TNS1: variants seen among roughly 807,000 people sequenced by gnomAD.
TNS1 encodes tensin-1.
TNS1 carries 62 observed loss-of-function variants against 168.6 expected under a neutral mutation model. That is an observed-to-expected ratio of 0.37 (90% confidence interval 0.30 to 0.45). The LOEUF (loss-of-function observed/expected upper bound fraction) is 0.45, where lower values mean the gene tolerates loss of function less well. Among genes scored for constraint, TNS1 ranks in the 20% least tolerant of loss-of-function variants. The pLI, the probability that TNS1 is intolerant of heterozygous loss-of-function variation, is 1.00. For missense variants in TNS1, 2,240 were observed against 2,339.4 expected, an observed-to-expected ratio of 0.96 and a Z score of 0.88; for synonymous variants, 934 against 933.2, an observed-to-expected ratio of 1.00 and a Z score of -0.02.
intron 1 of TNS1, among the ~76,000 whole-genome samples, chr2:218,025,876 G>A (rs2106013031): frequency 6.6e-6 from 1 of 152,180 alleles, no homozygotes; most frequent in Non-Finnish European, 1.5e-5. Flanking sequence ...CCACCTCCAT[G>A]GTTCCCTGTT....
chr2:217,925,806 C>T (rs1350406958), intron 3 of TNS1, among the ~76,000 whole-genome samples: 1 of 152,162 alleles, frequency 6.6e-6, no homozygotes, highest in Non-Finnish European at 1.5e-5. Flanking sequence ...TCCCCTCCCC[C>T]AAACCCCTGG....
intron 21 of TNS1, 27 bp from the exon 22 acceptor site, chr2:217,831,574 C>T (rs369846567): frequency 4.8e-6 from 7 of 1,451,298 alleles, no homozygotes; most frequent in African/African-American, 1.5e-5. Flanking sequence ...AGGGGAGACA[C>T]AGGGAGTGAG....
upstream of TNS1, among the ~76,000 whole-genome samples, chr2:218,006,939 A>T (rs10184139): frequency 0.8 from 121,200 of 151,454 alleles, 48,658 homozygotes; most frequent in East Asian, 0.95. Flanking sequence ...TGCGTCAAGA[A>T]AGGTGGCGTG....
At chr2:217,851,160 A>G (rs1451551778) in intron 18 of TNS1, among the ~76,000 whole-genome samples, 2 of 151,156 alleles carry the variant, frequency 1.3e-5, no homozygotes, top group African/African-American at 4.9e-5. Flanking sequence ...ATTAGAATAA[A>G]CACATAACAG....
intron 4 of TNS1, among the ~76,000 whole-genome samples, chr2:217,913,381 A>G (rs1954648344): frequency 6.6e-6 from 1 of 152,082 alleles, no homozygotes; most frequent in Non-Finnish European, 1.5e-5. Flanking sequence ...GCAACTGTGG[A>G]CACCCCCAAT....
At chr2:217,812,260 C>A in intron 28 of TNS1, 108 bp downstream of exon 28, 1 of 795,066 alleles carries the variant, frequency 1.3e-6, no homozygotes, top group East Asian at 2.8e-5. Flanking sequence ...GGCAAAATGA[C>A]ATGTGTCCTC....
At chr2:217,959,977 G>A (rs1957458171) in intron 3 of TNS1, among the ~76,000 whole-genome samples, 1 of 152,118 alleles carries the variant, frequency 6.6e-6, no homozygotes, top group South Asian at 2.1e-4. Flanking sequence ...GTGAAGGGAG[G>A]AGGGTGGAGA....
chr2:217,970,952 G>A (rs115516729), intron 3 of TNS1, among the ~76,000 whole-genome samples: 6 of 151,782 alleles, frequency 4.0e-5, no homozygotes, highest in East Asian at 1.9e-4. Context: ...CCCAGGAAGC[G>A]CTATTAAATA....
intron 3 of TNS1, among the ~76,000 whole-genome samples, chr2:217,976,732 T>A (rs1018347008): frequency 6.6e-6 from 1 of 152,234 alleles, no homozygotes; most frequent in African/African-American, 2.4e-5. Flanking sequence ...CTGTCATATC[T>A]TTCTGGGCCT....
chr2:217,878,126 G>C (rs1172655103), intron 18 of TNS1, among the ~76,000 whole-genome samples: 1 of 152,230 alleles, frequency 6.6e-6, no homozygotes, highest in African/African-American at 2.4e-5. Context: ...CGGGCCAGGG[G>C]CTCAGCTGTT....
chr2:217,847,290 A>T (rs550346882), intron 19 of TNS1, among the ~76,000 whole-genome samples: 3 of 152,252 alleles, frequency 2.0e-5, no homozygotes, highest in Non-Finnish European at 4.4e-5. Context: ...TCTTGAGGGC[A>T]GGAATTGCTT....
chr2:218,000,164 A>G (rs889188284), intron 1 of TNS1, among the ~76,000 whole-genome samples: 1 of 152,280 alleles, frequency 6.6e-6, no homozygotes, highest in Non-Finnish European at 1.5e-5. Context: ...CATAATAAAT[A>G]GCTCTGCTCC....
chr2:217,951,430 C>G (rs1957238453), intron 3 of TNS1, among the ~76,000 whole-genome samples: 1 of 152,214 alleles, frequency 6.6e-6, no homozygotes, highest in South Asian at 2.1e-4. Flanking sequence ...TTAACTCATT[C>G]TAATCCTGCC....
At chr2:217,897,510 A>G (rs2125734537) in intron 8 of TNS1, among the ~76,000 whole-genome samples, 1 of 152,354 alleles carries the variant, frequency 6.6e-6, no homozygotes, top group Admixed American at 6.5e-5. Flanking sequence ...GCAAGCGCTC[A>G]ATAACCTGAA....
At chr2:217,947,784 C>A (rs72951936) in intron 3 of TNS1, among the ~76,000 whole-genome samples, 16,419 of 152,224 alleles carry the variant, frequency 0.11, 902 homozygotes, top group Middle Eastern at 0.17. Flanking sequence ...CCACCCAGGG[C>A]CCCTCAGTGG....
At chr2:217,984,651 G>A (rs1958145265) in intron 2 of TNS1, among the ~76,000 whole-genome samples, 2 of 151,544 alleles carry the variant, frequency 1.3e-5, no homozygotes, top group South Asian at 4.2e-4. Context: ...ACCACACCCA[G>A]CTATTTTATT....
intron 18 of TNS1, among the ~76,000 whole-genome samples, chr2:217,873,264 T>A (rs1949929531): frequency 6.6e-6 from 1 of 152,184 alleles, no homozygotes; most frequent in South Asian, 2.1e-4. Context: ...TATACCGCCA[T>A]ACACACCATG....
intron 21 of TNS1, among the ~76,000 whole-genome samples, chr2:217,833,024 G>A (rs1033927957): frequency 2.6e-5 from 4 of 152,130 alleles, no homozygotes; most frequent in African/African-American, 9.7e-5. Flanking sequence ...CTTGCTCATA[G>A]ACGCTTATCA....
rs1205326030 is a variant in TNS1 at position 217,818,228 on chromosome 2, G to A, written c.4104C>T (p.Ala1368=). 2 of 1,613,422 alleles carry A rather than the reference G, an allele frequency of 1.2e-6. No individual in the cohort carries two copies. The highest frequency in any genetic ancestry group is 1.7e-6 in the Non-Finnish European group (2 of 1,179,774). The change falls in exon 24 of 33, where the codon GCC becomes GCT. Residue 1368 remains alanine (A), a synonymous_variant. Coordinates refer to ENST00000682258, the MANE Select transcript of TNS1 (RefSeq NM_001387777.1). ...YQVSGLHNKV[A]TTPGSPSLGR... is the part of the protein sequence containing the mutation. ...CCAGGCTGGGACTCCCCGGGGTGGT[G>A]GCCACTTTGTTGTGGAGGCCAGAAA...
Sources: gnomAD v4.1 joint callset for allele counts (sites outside exome capture counted in the v4.1 genomes callset) on GRCh38, gnomAD v4.1.1 for gene constraint, MANE v1.5 for transcripts, NCBI Gene and HGNC (gene_info 2026-07-23, HGNC 2026-07-21) for gene names.